Variants in MEGF11 observed in about 807,000 individuals in gnomAD.
MEGF11 encodes the protein multiple EGF like domains 11, also known as multiple epidermal growth factor-like domains protein 11.
A neutral mutation model predicts 146.6 loss-of-function variants in MEGF11; 126 were observed. The ratio of observed to expected loss-of-function variants is 0.86; its 90% confidence interval spans 0.74 to 1.00. The LOEUF is 1.00. MEGF11 is among the 50% of genes least tolerant of loss of function. The probability of loss-of-function intolerance (pLI) is 0.00; values close to 1 mark genes in which losing one functional copy is unlikely to be tolerated. For missense variants in MEGF11, 1,509 were observed against 1,521.2 expected (o/e 0.99, Z 0.13); for synonymous variants, 532 against 583.4 (o/e 0.91, Z 1.27).
chr15:66,051,460 C>G (rs535468287), intron 5 of MEGF11, among the ~76,000 whole-genome samples: 1 of 152,328 alleles, frequency 6.6e-6, no homozygotes, highest in African/African-American at 2.4e-5. Flanking sequence ...CCTTTTCCAA[C>G]AGAGAAGTCT....
intron 1 of MEGF11, among the ~76,000 whole-genome samples, chr15:66,151,873 G>A (rs7163246): frequency 6.6e-6 from 1 of 152,184 alleles, no homozygotes; most frequent in Non-Finnish European, 1.5e-5. Flanking sequence ...CTCCCCACCC[G>A]GCTGCTGCCC....
intron 5 of MEGF11, among the ~76,000 whole-genome samples, chr15:66,066,466 A>G (rs1420194141): frequency 1.3e-5 from 2 of 152,246 alleles, no homozygotes; most frequent in African/African-American, 2.4e-5. Context: ...GATAATTTTA[A>G]AAACAACAAA....
At chr15:65,985,193 G>A (rs575373125) in intron 5 of MEGF11, among the ~76,000 whole-genome samples, 1 of 152,316 alleles carries the variant, frequency 6.6e-6, no homozygotes, top group East Asian at 1.9e-4. Context: ...CCATTTGACG[G>A]AGAATACACG....
intron 1 of MEGF11, among the ~76,000 whole-genome samples, chr15:66,188,558 T>G (rs922966518): frequency 6.6e-6 from 1 of 152,164 alleles, no homozygotes; most frequent in Admixed American, 6.5e-5. Context: ...CCATACTGGC[T>G]TGGTTCTGGT....
intron 5 of MEGF11, among the ~76,000 whole-genome samples, chr15:66,076,485 C>T: frequency 6.6e-6 from 1 of 152,160 alleles, no homozygotes; most frequent in Non-Finnish European, 1.5e-5. Context: ...ACCCAGCCTG[C>T]CAGAATGGGT....
intron 1 of MEGF11, among the ~76,000 whole-genome samples, chr15:66,239,174 C>T (rs2092157816): frequency 6.6e-6 from 1 of 152,334 alleles, no homozygotes; most frequent in East Asian, 1.9e-4. Flanking sequence ...TGATTAAGAC[C>T]TCTACAGCTG....
intron 1 of MEGF11, among the ~76,000 whole-genome samples, chr15:66,196,401 G>A (rs951685656): frequency 6.6e-6 from 1 of 152,152 alleles, no homozygotes. Context: ...GAACCCAGGA[G>A]GTAGAGGTTG....
At chr15:66,017,086 C>T (rs898068158) in intron 5 of MEGF11, among the ~76,000 whole-genome samples, 1 of 152,206 alleles carries the variant, frequency 6.6e-6, no homozygotes, top group Non-Finnish European at 1.5e-5. Context: ...GCTGGAGAAG[C>T]ACAGCCCGGG....
In MEGF11 at chr15:65,912,317, A is replaced by G. The variant is rs769059950; in HGVS notation, c.2711-117T>C. The G allele has an allele frequency of 1.2e-4, 63 of 534,720 alleles. 1 individual carries two copies. The highest frequency in any genetic ancestry group is 4.0e-5 in the Non-Finnish European group (14 of 352,010). 33.1% of individuals were successfully genotyped at this position (534,720 alleles called of 1,614,324 possible). On this transcript the variant is annotated intron_variant, in intron 20 of 25. Coordinates refer to ENST00000395614, the MANE Select transcript of MEGF11 (RefSeq NM_001385028.1). The stretch of plus-strand genomic sequence containing the variant: ...AGAGCCCTGCAAAGACAAACAGGCA[A>G]GTACCCCATCCCCCAAGCTTCCTGG...
At chr15:66,221,206 C>T (rs565994819) in intron 1 of MEGF11, among the ~76,000 whole-genome samples, 52 of 152,218 alleles carry the variant, frequency 3.4e-4, no homozygotes, top group African/African-American at 1.3e-3. Flanking sequence ...CCCAGGCCTC[C>T]CAACTGCATT....
At chr15:65,928,218 G>A (rs1364494349) in intron 13 of MEGF11, among the ~76,000 whole-genome samples, 1 of 152,134 alleles carries the variant, frequency 6.6e-6, no homozygotes, top group Non-Finnish European at 1.5e-5. Flanking sequence ...CCAGTGCCTT[G>A]GACAGAGCTT....
At chr15:66,251,270 TC>T (rs2092366448) in intron 1 of MEGF11, among the ~76,000 whole-genome samples, 1 of 152,106 alleles carries the variant, frequency 6.6e-6, no homozygotes, top group African/African-American at 2.4e-5. Context: ...CAACCCTCCT[TC>T]CCCAAATGGA....
At chr15:65,959,348 G>C (rs1294413621) in intron 9 of MEGF11, among the ~76,000 whole-genome samples, 4 of 152,198 alleles carry the variant, frequency 2.6e-5, no homozygotes, top group Non-Finnish European at 5.9e-5. Context: ...CAGAAAATGA[G>C]GGGGTGGACA....
chr15:65,965,600 C>CTTTCTTTTTTTT lies in MEGF11; in HGVS notation c.900-481_900-480insAAAAAAAAGAAA, dbSNP rs1555456992. On this transcript the variant is annotated intron_variant, in intron 8 of 25. Transcript: ENST00000395614. ...TCTTTCTTTCTTTCTTTCTTTCTTT[C>CTTTCTTTTTTTT]TTTTTTTTTTTTCTTTTTTTTTTTT... Among the ~76,000 whole-genome samples the CTTTCTTTTTTTT allele has an allele frequency of 1.7e-3, 32 of 18,876 alleles. 4 individuals carry two copies. The highest frequency in any genetic ancestry group is 2.4e-3 in the Admixed American group (3 of 1,276). 12.4% of individuals were successfully genotyped at this position (18,876 alleles called of 152,430 possible). A position where few individuals can be genotyped will look rare whatever the true frequency, so the allele number is the denominator to read the frequency against.
At chr15:65,974,041 T>C (rs1218601462) in intron 7 of MEGF11, among the ~76,000 whole-genome samples, 1 of 152,232 alleles carries the variant, frequency 6.6e-6, no homozygotes, top group African/African-American at 2.4e-5. Context: ...CCGACAGTCA[T>C]TTCTCTTATG....
chr15:65,944,991 C>T (rs1176616763), intron 10 of MEGF11, among the ~76,000 whole-genome samples: 4 of 151,768 alleles, frequency 2.6e-5, no homozygotes, highest in Non-Finnish European at 4.4e-5. Context: ...CTCCATCTCC[C>T]GGGTTCAAGT....
At chr15:65,929,682 G>A in intron 12 of MEGF11, 38 bp downstream of exon 12, 2 of 1,537,924 alleles carry the variant, frequency 1.3e-6, no homozygotes, top group Non-Finnish European at 1.8e-6. Context: ...GTGAGGGGAT[G>A]CGGAGCCCAA....
intron 4 of MEGF11, among the ~76,000 whole-genome samples, chr15:66,114,781 G>C (rs1014700532): frequency 2.6e-5 from 4 of 152,192 alleles, no homozygotes; most frequent in Admixed American, 6.5e-5. Flanking sequence ...GAGTTGGGCA[G>C]GGGTGGGTGG....
At chr15:66,244,125 G>A (rs1258721921) in intron 1 of MEGF11, among the ~76,000 whole-genome samples, 1 of 152,160 alleles carries the variant, frequency 6.6e-6, no homozygotes, top group Non-Finnish European at 1.5e-5. Flanking sequence ...ACATGCGCCT[G>A]AGAAGTGCCT....
Sources: allele counts gnomAD v4.1 joint callset (sites outside exome capture counted in the v4.1 genomes callset), GRCh38; gene constraint gnomAD v4.1.1; transcripts MANE v1.5; gene names NCBI Gene and HGNC (gene_info 2026-07-23, HGNC 2026-07-21).